EFCAB5: variants seen among roughly 807,000 people sequenced by gnomAD.
EFCAB5 encodes the protein EF-hand calcium binding domain 5, also known as EF-hand calcium-binding domain-containing protein 5.
EFCAB5 carries 131 observed loss-of-function variants against 167.9 expected under a neutral mutation model. The ratio of observed to expected loss-of-function variants is 0.78; its 90% CI spans 0.68 to 0.90. The LOEUF (loss-of-function observed/expected upper bound fraction) is 0.90. EFCAB5 is among the 40% of genes least tolerant of loss of function. The pLI is 0.00. For missense variants in EFCAB5, 1,663 were observed against 1,745.2 expected, an observed-to-expected ratio of 0.95 and a Z score of 0.84; for synonymous variants, 574 against 602.8, an observed-to-expected ratio of 0.95 and a Z score of 0.70.
intron 10 of EFCAB5, among the ~76,000 whole-genome samples, chr17:30,054,581 C>T (rs1218048880): frequency 6.6e-6 from 1 of 152,184 alleles, no homozygotes; most frequent in Admixed American, 6.5e-5. Flanking sequence ...ATATTCAAGA[C>T]AGAACGCACC....
At chr17:30,097,037 CATATACATATACATATAT>C (rs2071309003) in intron 22 of EFCAB5, among the ~76,000 whole-genome samples, 1 of 94,314 alleles carries the variant, frequency 1.1e-5, no homozygotes. Flanking sequence ...TATACATATA[CATATACATATACATATAT>C]ATATATTTTT....
At chr17:30,007,471 A>G (rs1400253544) in intron 7 of EFCAB5, among the ~76,000 whole-genome samples, 2 of 152,186 alleles carry the variant, frequency 1.3e-5, no homozygotes, top group Non-Finnish European at 2.9e-5. Context: ...ACTGGAGTAA[A>G]TTTTTAAAAA....
intron 5 of EFCAB5, 27 bp downstream of exon 5, chr17:29,993,348 A>G (rs753651714): frequency 7.1e-5 from 113 of 1,599,386 alleles, no homozygotes; most frequent in Admixed American, 3.9e-4. Flanking sequence ...TATATGTGAA[A>G]GGTAGGTGGG....
intron 19 of EFCAB5, 59 bp downstream of exon 19, chr17:30,087,225 G>A: frequency 7.3e-7 from 1 of 1,375,554 alleles, no homozygotes; most frequent in Admixed American, 1.8e-5. Flanking sequence ...TACAATAGTA[G>A]ACCTGAAAGA....
rs1042439532 is a variant in EFCAB5 at position 30,073,235 on chromosome 17, T to C, written c.2738-4980T>C. 10 of 666,254 alleles carry C rather than the reference T, an allele frequency of 1.5e-5. No homozygotes were observed. The African/African-American group carries it at 1.8e-4, about 12-fold the overall frequency. The allele number at this position is 666,254 out of a possible 1,614,324, so 41.3% of individuals were successfully genotyped here. ...CAGGCCTGGCTAATTTTTCTAATTTTTGGTATGGATGGGGTCTCTCTGTGT... is the reference window on the plus strand; with the variant it reads ...CAGGCCTGGCTAATTTTTCTAATTTCTGGTATGGATGGGGTCTCTCTGTGT... On this transcript the variant is annotated intron_variant, in intron 14 of 22. Coordinates refer to ENST00000394835, the MANE Select transcript of EFCAB5 (RefSeq NM_198529.4).
chr17:30,092,244 A>C, intron 21 of EFCAB5, 87 bp downstream of exon 21: 1 of 1,381,200 alleles, frequency 7.2e-7, no homozygotes, highest in Non-Finnish European at 9.7e-7. Context: ...ATAAATCATA[A>C]GGGTACAAAT....
chr17:29,998,028 G>A (rs1439950698), intron 6 of EFCAB5, among the ~76,000 whole-genome samples: 2 of 151,112 alleles, frequency 1.3e-5, no homozygotes, highest in Admixed American at 1.3e-4. Context: ...TTTTCCAATT[G>A]ATTATTTGAC....
intron 14 of EFCAB5, among the ~76,000 whole-genome samples, chr17:30,068,165 G>A (rs1193896489): frequency 1.3e-5 from 2 of 152,104 alleles, no homozygotes; most frequent in African/African-American, 2.4e-5. Context: ...TTAGCAGGGC[G>A]TGGTGGCACG....
At chr17:30,050,260 G>A (rs1328805130) in intron 8 of EFCAB5, among the ~76,000 whole-genome samples, 11 of 151,680 alleles carry the variant, frequency 7.3e-5, no homozygotes, top group Admixed American at 6.6e-5. Context: ...TCAGCCTCCC[G>A]AGTAGCTGGG....
At chr17:30,008,056 A>G (rs1188350360) in intron 7 of EFCAB5, among the ~76,000 whole-genome samples, 1 of 91,596 alleles carries the variant, frequency 1.1e-5, no homozygotes, top group African/African-American at 9.2e-5. Context: ...CCCCCAATCT[A>G]TTAAGTCAAT....
At chr17:30,004,787 A>ATTT (rs60231360) in intron 7 of EFCAB5, among the ~76,000 whole-genome samples, 85 of 115,106 alleles carry the variant, frequency 7.4e-4, no homozygotes, top group Middle Eastern at 4.9e-3. Flanking sequence ...CTCCTGGCTA[A>ATTT]TTTTTTTTTT....
rs538250364 is a variant in EFCAB5 at position 29,981,784 on chromosome 17, C to A, written c.768-11381C>A. On this transcript the variant is annotated intron_variant, in intron 4 of 22. Coordinates refer to ENST00000394835, the MANE Select transcript of EFCAB5 (RefSeq NM_198529.4). ...TAAAGCTCAATAACTATGGGAGAGT[C>A]ACCTCATTTTCACACATCCCTTAAT... Among the ~76,000 whole-genome samples, 12 of 152,244 alleles carry A rather than the reference C, an allele frequency of 7.9e-5. No homozygotes were observed. The East Asian group carries it at 1.7e-3, about 22-fold the overall frequency.
At chr17:29,993,129 T>A in intron 4 of EFCAB5, 36 bp from the exon 5 acceptor site, 1 of 1,551,774 alleles carries the variant, frequency 6.4e-7, no homozygotes, top group Non-Finnish European at 8.7e-7. Context: ...TCCAAGGGTA[T>A]TAACTCAACA....
chr17:30,012,256 C>T (rs1244235049), intron 7 of EFCAB5, among the ~76,000 whole-genome samples: 2 of 152,162 alleles, frequency 1.3e-5, no homozygotes, highest in East Asian at 1.9e-4. Context: ...GACTCTACTC[C>T]TCCACCTCTT....
At position 30,107,895 on chromosome 17, in the gene EFCAB5, G is replaced by C. The variant is rs370264742; in HGVS notation, c.4383G>C (p.Trp1461Cys). The part of the protein sequence containing the change: ...GNVVIEHLYH[W>C]IHICSALMKI... ...TTGTCATTGAACATCTATACCACTG[G>C]ATACACATCTGTTCAGCTCTCATGA... Residue 1461 changes from tryptophan (W) to cysteine (C), a missense_variant, in exon 23 of 23, where the codon TGG becomes TGC. Trp to Cys is a radical substitution (Grantham distance 215). Coordinates refer to ENST00000394835, the MANE Select transcript of EFCAB5 (RefSeq NM_198529.4). 3.5e-5 allele frequency: 57 copies of C among 1,606,408 alleles called. No individual in the cohort carries two copies. The highest frequency in any genetic ancestry group is 4.2e-6 in the Non-Finnish European group (5 of 1,178,008).
rs143392034 is a variant in EFCAB5 at position 30,053,236 on chromosome 17, A to C, written c.1301-19A>C. 115 of 1,565,918 alleles carry C rather than the reference A, an allele frequency of 7.3e-5. No homozygotes were observed. The highest frequency in any genetic ancestry group is 6.6e-4 in the African/African-American group (48 of 73,026). On this transcript the variant is annotated intron_variant, in intron 9 of 22. Transcript: ENST00000394835. ...TATAAGATCAATGGTTTAAGTGAAT[A>C]TTTTGTTTTCTGCATTAGGGCCATT... is the stretch of plus-strand genomic sequence containing the variant.
intron 3 of EFCAB5, among the ~76,000 whole-genome samples, chr17:29,966,694 A>G (rs2067835138): frequency 1.3e-5 from 2 of 152,110 alleles, no homozygotes; most frequent in African/African-American, 4.8e-5. Context: ...CCATTTCCAT[A>G]TTGTACTCTT....
At chr17:29,953,617 A>G (rs972406714) in intron 3 of EFCAB5, among the ~76,000 whole-genome samples, 40 of 152,194 alleles carry the variant, frequency 2.6e-4, no homozygotes, top group African/African-American at 9.7e-4. Flanking sequence ...GAGTCCATTA[A>G]ACTTTTTTCT....
rs552798864 is a variant in EFCAB5, at chr17:29,983,206, G to T, written c.768-9959G>T. Among the ~76,000 whole-genome samples the T allele has an allele frequency of 1.1e-4, 17 of 152,272 alleles. 1 individual carries two copies. In the South Asian group the frequency reaches 3.5e-3, roughly 32 times the overall value. ...TTTCAGAATAACAACCAAAAGTGAT[G>T]ACCTCAATCACTTTTGTAGTGGTTG... On this transcript the variant is annotated intron_variant, in intron 4 of 22. Coordinates refer to ENST00000394835, the MANE Select transcript of EFCAB5 (RefSeq NM_198529.4).
Sources: allele counts gnomAD v4.1 joint callset (sites outside exome capture counted in the v4.1 genomes callset), GRCh38; gene constraint gnomAD v4.1.1; transcripts MANE v1.5; gene names NCBI Gene and HGNC (gene_info 2026-07-23, HGNC 2026-07-21).